Variants in ATG2B observed in about 807,000 individuals in gnomAD.
ATG2B encodes autophagy related 2B, also known as autophagy-related protein 2 homolog B.
A neutral mutation model predicts 241.3 loss-of-function variants in ATG2B; 121 were observed. That is an observed-to-expected ratio of 0.50 (90% confidence interval 0.43 to 0.58). The LOEUF is 0.58. Ranked by LOEUF, ATG2B falls within the 20% of genes least tolerant of loss-of-function variation. The probability of loss-of-function intolerance (pLI) is 0.00; values close to 1 mark genes in which losing one functional copy is unlikely to be tolerated. For missense variants in ATG2B, 2,306 were observed against 2,491.6 expected (o/e 0.93, Z 1.59); for synonymous variants, 858 against 876.6 (o/e 0.98, Z 0.37).
chr14:96,345,372 C>G lies in ATG2B; in HGVS notation c.339G>C (p.Glu113Asp). ...RPRPRPATGS[E>D]PMYWSSFMTS... is the part of the protein sequence containing the mutation. ...TCATAAAACTTGACCAATACATAGG[C>G]TCAGAACCAGTTGCTGTGGAAAATA... Residue 113 changes from glutamate (E) to aspartate (D), a missense_variant, in exon 3 of 42, where the codon GAG (glutamate) becomes GAC (aspartate). Glu to Asp is a conservative substitution (Grantham distance 45). This residue lies in a region of ATG2B where 1,927 missense variants were observed against 2,011.2 expected (regional missense o/e 0.96). Coordinates refer to ENST00000359933, the MANE Select transcript of ATG2B (RefSeq NM_018036.7). 8.1e-6 allele frequency: 13 copies of G among 1,601,772 alleles called. No individual in the cohort carries two copies. Among genetic ancestry groups the G allele is most frequent in the Non-Finnish European group, 1.1e-5 (13 of 1,176,196 alleles).
rs1886185770 is a variant in ATG2B at position 96,281,064 on chromosome 14, A to G, written c.*4691T>C. ...GACTAAAATCCAAAGCAGGGAGGGA[A>G]GAACTGTTAAAACTCCATACAGCTC... is the stretch of plus-strand genomic sequence containing the variant. On this transcript the variant is annotated 3_prime_UTR_variant, in exon 42 of 42. Transcript: ENST00000359933. 1 of 152,172 alleles carries G rather than the reference A, an allele frequency of 6.6e-6. No homozygotes were observed. Among genetic ancestry groups the G allele is most frequent in the Non-Finnish European group, 1.5e-5 (1 of 68,030 alleles). The allele number at this position is 152,172 out of a possible 1,614,324, so 9.4% of individuals were successfully genotyped here.
intron 29 of ATG2B, 137 bp downstream of exon 29, chr14:96,309,316 A>C (rs920899249): frequency 1.5e-5 from 17 of 1,111,744 alleles, no homozygotes; most frequent in East Asian, 1.4e-4. Context: ...CTGAGTAGAC[A>C]CAAGCTGAAT....
rs376047342 is a variant in ATG2B, at chr14:96,313,087, C to A, written c.3820G>T (p.Asp1274Tyr). ...TACCTGAGAGTAGAGGAAGATTTAT[C>A]CAATGCAACGCTACTGGAAACACTG... ...TFSVSSSVAL[D>Y]KSSSTLRIIL... The change falls in exon 25 of 42, where the codon GAT becomes TAT. Residue 1274 changes from aspartate to tyrosine, a missense_variant. Around this residue, in one of 2 missense-constraint regions of ATG2B, gnomAD observed 1,927 missense variants for 2,011.2 expected, o/e 0.96. Transcript: ENST00000359933. The A allele has an allele frequency of 3.7e-6, 6 of 1,612,440 alleles. No homozygotes were observed. Among genetic ancestry groups the A allele is most frequent in the Non-Finnish European group, 4.2e-6 (5 of 1,178,918 alleles).
intron 20 of ATG2B, 114 bp from the exon 21 acceptor site, chr14:96,316,797 A>C: frequency 2.4e-6 from 2 of 822,462 alleles, no homozygotes; most frequent in African/African-American, 3.4e-5. Flanking sequence ...ATACTGCAGC[A>C]AAGCAGTCTA....
At position 96,289,880 on chromosome 14, in the gene ATG2B, T is replaced by C. The variant is rs921321897; in HGVS notation, c.5857-75A>G. The stretch of plus-strand genomic sequence containing the variant: ...AGTTACGGACCAGCAGAGCACTTCC[T>C]ACAGGGAGTGAGGAAGAGCAGAGGA... On this transcript the variant is annotated intron_variant, in intron 40 of 41. Transcript: ENST00000359933. The surrounding 1 kb of genome is among the most constrained non-coding windows in gnomAD (Gnocchi z 4.3). The C allele has an allele frequency of 3.5e-5, 53 of 1,495,600 alleles. No individual in the cohort carries two copies. Among genetic ancestry groups the C allele is most frequent in the Admixed American group, 2.0e-4 (11 of 55,898 alleles). The allele number at this position is 1,495,600 out of a possible 1,614,324, so 92.6% of individuals were successfully genotyped here.
chr14:96,298,809 A>G (rs917152918), intron 34 of ATG2B, among the ~76,000 whole-genome samples: 1 of 152,182 alleles, frequency 6.6e-6, no homozygotes, highest in Non-Finnish European at 1.5e-5. Flanking sequence ...AAAATGTTCT[A>G]TATCTCAACT....
chr14:96,285,833 C>T lies in ATG2B; in HGVS notation c.6159G>A (p.Val2053=). 1 of 1,614,184 alleles carries T rather than the reference C, an allele frequency of 6.2e-7. No individual in the cohort carries two copies. The highest frequency in any genetic ancestry group is 1.7e-4 in the Middle Eastern group (1 of 6,042). The change falls in exon 42 of 42, where the codon GTG becomes GTA. Residue 2053 remains valine (V), a synonymous_variant. Transcript: ENST00000359933. This position sits in a 1 kb window ranked among gnomAD's most constrained non-coding sequence, Gnocchi z 4.2. The part of the protein sequence containing the change: ...LIVATEATSN[V]LGGMRNQIRP... ...TAATTTGGTTTCTCATGCCACCCAG[C>T]ACGTTTGACGTTGCTTCTGTGGCAA...
intron 2 of ATG2B, 74 bp downstream of exon 2, chr14:96,347,105 T>A: frequency 7.6e-7 from 1 of 1,313,272 alleles, no homozygotes; most frequent in Admixed American, 2.5e-5. Context: ...AATACTAAAT[T>A]TAAGGTAATC....
chr14:96,285,697 C>A lies in ATG2B; in HGVS notation c.*58G>T. The A allele has an allele frequency of 6.6e-7, 1 of 1,513,838 alleles. No homozygotes were observed. Among genetic ancestry groups the A allele is most frequent in the Non-Finnish European group, 9.1e-7 (1 of 1,093,748 alleles). The allele number at this position is 1,513,838 out of a possible 1,614,324, so 93.8% of individuals were successfully genotyped here. A position where few individuals can be genotyped will look rare whatever the true frequency, so the allele number is the denominator to read the frequency against. On this transcript the variant is annotated 3_prime_UTR_variant, in exon 42 of 42. Coordinates refer to ENST00000359933, the MANE Select transcript of ATG2B (RefSeq NM_018036.7). The surrounding 1 kb of genome is among the most constrained non-coding windows in gnomAD (Gnocchi z 4.2). ...AACGAGCTTCCTCTGAAGCTGCTGT[C>A]AGGACTCTGAGCTCCTGGTTCCACT...
At position 96,294,783 on chromosome 14, in the gene ATG2B, T is replaced by C. The variant is rs571947964; in HGVS notation, c.5426+177A>G. Among the ~76,000 whole-genome samples, 7 of 152,300 alleles carry C rather than the reference T, an allele frequency of 4.6e-5. No individual in the cohort carries two copies. In the South Asian group the frequency reaches 1.5e-3, roughly 32 times the overall value. On this transcript the variant is annotated intron_variant, in intron 36 of 41. Transcript: ENST00000359933. ...ACGAATTTGGAACCAGGTTACTATG[T>C]GCAAATAAGGGGGGTGCAATTAGAT...
At chr14:96,288,807 G>GA (rs71103509) in intron 41 of ATG2B, among the ~76,000 whole-genome samples, 48,945 of 125,858 alleles carry the variant, frequency 0.39, 8,852 homozygotes, top group Non-Finnish European at 0.45. Context: ...ACAACACCCA[G>GA]AAAAAAAAAA....
chr14:96,350,541 GGAGA>G (rs1439240712), intron 1 of ATG2B, among the ~76,000 whole-genome samples: 6 of 152,124 alleles, frequency 3.9e-5, no homozygotes, highest in Non-Finnish European at 5.9e-5. Flanking sequence ...GACTACAACA[GGAGA>G]CAGACAGAAA....
intron 36 of ATG2B, 121 bp downstream of exon 36, chr14:96,294,839 G>A: frequency 1.3e-6 from 1 of 793,812 alleles, no homozygotes; most frequent in East Asian, 2.7e-5. Context: ...TACACCAGCT[G>A]ATGATTTGGC....
chr14:96,343,919 C>T (rs1888107354), intron 4 of ATG2B, among the ~76,000 whole-genome samples: 1 of 152,204 alleles, frequency 6.6e-6, no homozygotes, highest in African/African-American at 2.4e-5. Context: ...AATCTTAACA[C>T]AGCTGCTTAA....
chr14:96,330,052 A>G (rs932774579), intron 11 of ATG2B, among the ~76,000 whole-genome samples: 4 of 75,772 alleles, frequency 5.3e-5, no homozygotes, highest in Admixed American at 1.1e-4. Context: ...CAAAAATGGG[A>G]AAAAAAAAAA....
chr14:96,289,521 ATGT>A lies in ATG2B; in HGVS notation c.6006+132_6006+134del, dbSNP rs1886426250. ...CATCACCTCACACAGATATGGGCAC[ATGT>A]TATTAGTGGCAGTTGCCATTCTGCT... On this transcript the variant is annotated intron_variant, in intron 41 of 41. Transcript: ENST00000359933. This position sits in a 1 kb window ranked among gnomAD's most constrained non-coding sequence, Gnocchi z 4.3. The A allele has an allele frequency of 9.6e-7, 1 of 1,046,764 alleles. No individual in the cohort carries two copies. The allele number at this position is 1,046,764 out of a possible 1,614,324, so 64.8% of individuals were successfully genotyped here. A position where few individuals can be genotyped will look rare whatever the true frequency, so the allele number is the denominator to read the frequency against.
At chr14:96,335,311 T>C (rs996260188) in intron 6 of ATG2B, among the ~76,000 whole-genome samples, 3 of 152,160 alleles carry the variant, frequency 2.0e-5, no homozygotes, top group Non-Finnish European at 2.9e-5. Context: ...CATTTATATC[T>C]AGAAAATGAC....
rs1277006409 is a variant in ATG2B, at chr14:96,311,293, C to A, written c.3991-6G>T. The A allele has an allele frequency of 1.9e-6, 3 of 1,595,746 alleles. No individual in the cohort carries two copies. The highest frequency in any genetic ancestry group is 2.6e-6 in the Non-Finnish European group (3 of 1,172,708). Reference sequence around the variant, plus strand: ...AACTCAAAGCGGGGCTCAGTCTGGACAAGACACAGAAAAAGGGATGAAAAT... The same window carrying A: ...AACTCAAAGCGGGGCTCAGTCTGGAAAAGACACAGAAAAAGGGATGAAAAT... On this transcript the variant is annotated splice_polypyrimidine_tract_variant and splice_region_variant and intron_variant, in intron 27 of 41. Transcript: ENST00000359933.
At position 96,334,431 on chromosome 14, in the gene ATG2B, T is replaced by A. The variant is rs753711254; in HGVS notation, c.995A>T (p.Asp332Val). 3 of 1,610,550 alleles carry A rather than the reference T, an allele frequency of 1.9e-6. No individual in the cohort carries two copies. Among genetic ancestry groups the A allele is most frequent in the Non-Finnish European group, 2.5e-6 (3 of 1,178,590 alleles). ...TGGTCCAGCAATAGCTGCCAACATATCCAAAAGCAAGTGCACCTGTCTTGG... is the reference window on the plus strand; with the variant it reads ...TGGTCCAGCAATAGCTGCCAACATAACCAAAAGCAAGTGCACCTGTCTTGG... ...LSPRQVHLLLDMLAAIAGPEN... is the reference protein window; with the variant it reads ...LSPRQVHLLLVMLAAIAGPEN... The change falls in exon 7 of 42, where the codon GAT (aspartate) becomes GTT (valine). Residue 332 changes from aspartate (D) to valine (V), a missense_variant. Around this residue, in one of 2 missense-constraint regions of ATG2B, gnomAD observed 1,927 missense variants for 2,011.2 expected, o/e 0.96. Coordinates refer to ENST00000359933, the MANE Select transcript of ATG2B (RefSeq NM_018036.7).
Sources: allele counts gnomAD v4.1 joint callset (sites outside exome capture counted in the v4.1 genomes callset), GRCh38; gene constraint gnomAD v4.1.1; regional missense constraint gnomAD v4.1.1; non-coding constraint Gnocchi (gnomAD v3.1); transcripts MANE v1.5; gene names NCBI Gene and HGNC (gene_info 2026-07-23, HGNC 2026-07-21).